Variants in ZNF567 observed in about 807,000 individuals in gnomAD.
ZNF567 encodes the protein zinc finger protein 567.
ZNF567 carries 36 observed loss-of-function variants against 53.9 expected under a neutral mutation model. That is an observed-to-expected ratio of 0.67 (90% CI 0.51 to 0.88). ZNF567 has a LOEUF of 0.88. ZNF567 is among the 40% of genes least tolerant of loss of function. ZNF567 has a pLI of 0.00. For missense variants in ZNF567, 619 were observed against 764.7 expected (o/e 0.81, Z 2.25); for synonymous variants, 224 against 260.4 (o/e 0.86, Z 1.35).
chr19:36,703,085 A>G (rs2039295014), intron 3 of ZNF567, among the ~76,000 whole-genome samples: 1 of 151,888 alleles, frequency 6.6e-6, no homozygotes, highest in Non-Finnish European at 1.5e-5. Flanking sequence ...GATGATGGTG[A>G]TGTACAGATG....
Position 36,720,051 on chromosome 19 carries a change from CATA to C in ZNF567, c.1330_1332del (p.Asn444del), listed in dbSNP as rs760961873. On this transcript the variant is annotated inframe_deletion, in exon 6 of 6. Transcript: ENST00000682579. ...AACCCTTGCTCTTCATGAGAAAACT[CATA>C]ATGAGGAGAAACCCTATATTTGTAG... The C allele has an allele frequency of 6.2e-7, 1 of 1,614,042 alleles. No individual in the cohort carries two copies.
At position 36,704,777 on chromosome 19, in the gene ZNF567, T is replaced by C. The variant is rs369365533; in HGVS notation, c.10-7609T>C. Among the ~76,000 whole-genome samples the C allele has an allele frequency of 5.3e-5, 8 of 152,186 alleles. No homozygotes were observed. In the East Asian group the frequency reaches 1.5e-3, roughly 29 times the overall value. ...TCTGAAAGAATTTATATAGAATTGG[T>C]ATTATTTCTTAAACGTTTGTTAGAA... On this transcript the variant is annotated intron_variant, in intron 3 of 5. Transcript: ENST00000682579.
intron 2 of ZNF567, among the ~76,000 whole-genome samples, chr19:36,692,942 T>A (rs1210958470): frequency 6.6e-6 from 1 of 152,172 alleles, no homozygotes; most frequent in Non-Finnish European, 1.5e-5. Flanking sequence ...CAGAATATCT[T>A]ATCCCATACC....
intron 5 of ZNF567, 39 bp downstream of exon 5, chr19:36,712,906 A>G (rs2145842115): frequency 6.5e-7 from 1 of 1,531,118 alleles, no homozygotes. Flanking sequence ...GTCTAGCAGA[A>G]TGTAAATTTA....
the ZNF567 span, among the ~76,000 whole-genome samples, chr19:36,680,477 T>C: frequency 6.6e-6 from 1 of 152,090 alleles, no homozygotes; most frequent in South Asian, 2.1e-4. Flanking sequence ...ACAAGGGAAA[T>C]GTGTAGGTAG....
At chr19:36,717,679 A>C (rs1298204220) in intron 5 of ZNF567, among the ~76,000 whole-genome samples, 1 of 152,248 alleles carries the variant, frequency 6.6e-6, no homozygotes, top group Admixed American at 6.5e-5. Flanking sequence ...ACATTGCTTC[A>C]TCAGATATAG....
At chr19:36,677,284 C>G in the ZNF567 span, among the ~76,000 whole-genome samples, 3 of 147,994 alleles carry the variant, frequency 2.0e-5, no homozygotes, top group African/African-American at 7.5e-5. Context: ...ATAGTGAAAC[C>G]CTGTCTCTAC....
chr19:36,691,497 C>T (rs1216398390), intron 2 of ZNF567, among the ~76,000 whole-genome samples: 1 of 152,068 alleles, frequency 6.6e-6, no homozygotes, highest in Non-Finnish European at 1.5e-5. Context: ...CAAAAGCAAC[C>T]GAATATTATA....
the ZNF567 span, among the ~76,000 whole-genome samples, chr19:36,682,527 C>G: frequency 2.0e-5 from 3 of 150,174 alleles, no homozygotes; most frequent in African/African-American, 4.9e-5. Flanking sequence ...TATGAGGGAG[C>G]CTTCTGGGAT....
chr19:36,686,037 G>C (rs966095655), upstream of ZNF567: 5 of 152,214 alleles, frequency 3.3e-5, no homozygotes, highest in African/African-American at 9.6e-5. Context: ...AAAAGGGGAA[G>C]AGAAAAAGCT....
At chr19:36,713,808 G>T (rs2039908993) in intron 5 of ZNF567, among the ~76,000 whole-genome samples, 1 of 152,110 alleles carries the variant, frequency 6.6e-6, no homozygotes, top group Non-Finnish European at 1.5e-5. Flanking sequence ...GGTGGCACAT[G>T]CCTGTAATCC....
At chr19:36,716,461 A>T (rs753045026) in intron 5 of ZNF567, among the ~76,000 whole-genome samples, 2 of 152,180 alleles carry the variant, frequency 1.3e-5, no homozygotes, top group African/African-American at 2.4e-5. Flanking sequence ...ATATAATTTC[A>T]TTCCTAATTG....
intron 3 of ZNF567, among the ~76,000 whole-genome samples, chr19:36,700,590 A>G (rs2039127749): frequency 6.6e-6 from 1 of 151,866 alleles, no homozygotes; most frequent in East Asian, 1.9e-4. Context: ...GATTATTGCC[A>G]CAATTTCAGA....
chr19:36,705,043 C>T (rs2039421406), intron 3 of ZNF567, among the ~76,000 whole-genome samples: 3 of 152,022 alleles, frequency 2.0e-5, no homozygotes, highest in Admixed American at 2.0e-4. Context: ...TGTAACAATA[C>T]CCCTTTTTTA....
intron 3 of ZNF567, among the ~76,000 whole-genome samples, chr19:36,705,149 G>C (rs2145748181): frequency 6.6e-6 from 1 of 152,206 alleles, no homozygotes; most frequent in South Asian, 2.1e-4. Flanking sequence ...TACCACAGCA[G>C]CTTTTAGTTT....
At chr19:36,708,824 G>A (rs1219896445) in intron 3 of ZNF567, among the ~76,000 whole-genome samples, 1 of 152,076 alleles carries the variant, frequency 6.6e-6, no homozygotes, top group Non-Finnish European at 1.5e-5. Flanking sequence ...CCTACATTCT[G>A]TTGTATTTTG....
chr19:36,720,591 GGTAA>G lies in ZNF567; in HGVS notation c.1870_1873del (p.Lys624LeufsTer25). The G allele has an allele frequency of 6.2e-7, 1 of 1,608,596 alleles. No individual in the cohort carries two copies. The highest frequency in any genetic ancestry group is 8.5e-7 in the Non-Finnish European group (1 of 1,177,702). ...GAAACCCTATGTTTGTAATGAGTGT[GGTAA>G]GTCTTTCAGTTATAAGAGAAACCTC... On this transcript the variant is annotated frameshift_variant, in exon 6 of 6. Transcript: ENST00000682579. LOFTEE classifies it high-confidence loss of function.
Position 36,712,791 on chromosome 19 carries a change from G to A in ZNF567, c.147G>A (p.Met49Ile), listed in dbSNP as rs1448879776. The change falls in exon 5 of 6, where the codon ATG becomes ATA. Residue 49 changes from methionine (M) to isoleucine (I), a missense_variant. By Grantham distance (10) the Met-to-Ile change is conservative. Coordinates refer to ENST00000682579, the MANE Select transcript of ZNF567 (RefSeq NM_001322917.1). ...TTTTTCACTTTTCAGGGTGTCACAT[G>A]ACCAAACCTGATGTGATCCTCAAGT... The part of the protein sequence containing the change: ...YCHLISVGCH[M>I]TKPDVILKLE... The A allele has an allele frequency of 1.2e-6, 2 of 1,613,658 alleles. No individual in the cohort carries two copies. The highest frequency in any genetic ancestry group is 1.7e-6 in the Non-Finnish European group (2 of 1,179,936).
chr19:36,726,016 TC>T (rs2040334036), downstream of ZNF567, among the ~76,000 whole-genome samples: 1 of 152,210 alleles, frequency 6.6e-6, no homozygotes, highest in African/African-American at 2.4e-5. Flanking sequence ...ATTGGGTAGT[TC>T]CTATTGTTCT....
Sources: allele counts gnomAD v4.1 joint callset (sites outside exome capture counted in the v4.1 genomes callset), GRCh38; gene constraint gnomAD v4.1.1; transcripts MANE v1.5; gene names NCBI Gene and HGNC (gene_info 2026-07-23, HGNC 2026-07-21).